The following ZNF143 variants were observed in gnomAD, a reference collection of about 807,000 sequenced individuals.
The protein encoded by ZNF143 is SPH-binding factor.
In ZNF143, 49 loss-of-function variants were observed where a neutral mutation model predicts 74.1. The observed-to-expected ratio is 0.66, with a 90% CI of 0.53 to 0.84. ZNF143 has a LOEUF of 0.84. Ranked by LOEUF, ZNF143 falls within the 40% of genes least tolerant of loss-of-function variation. The pLI is 0.00. For synonymous variants in ZNF143, 304 were observed against 282.8 expected (o/e 1.07, Z -0.75); for missense variants, 637 against 793.4 (o/e 0.80, Z 2.37).
chr11:9,467,382 C>T (rs757071309), intron 1 of ZNF143, among the ~76,000 whole-genome samples: 2 of 151,868 alleles, frequency 1.3e-5, no homozygotes, highest in Admixed American at 6.6e-5. Flanking sequence ...TATAGGCACC[C>T]GCCACCATAC....
chr11:9,487,467 C>G (rs773558438), intron 7 of ZNF143, among the ~76,000 whole-genome samples: 1 of 151,492 alleles, frequency 6.6e-6, no homozygotes, highest in Non-Finnish European at 1.5e-5. Flanking sequence ...TCATGCTTCT[C>G]CTGCCTCAGC....
At chr11:9,501,316 T>G in intron 11 of ZNF143, 46 bp downstream of exon 11, 2 of 1,592,316 alleles carry the variant, frequency 1.3e-6, no homozygotes, top group Non-Finnish European at 1.7e-6. Flanking sequence ...AAGGCTCAGT[T>G]TAACTCCTGC....
chr11:9,521,186 CTG>C (rs1260597790), intron 14 of ZNF143, among the ~76,000 whole-genome samples: 1 of 152,172 alleles, frequency 6.6e-6, no homozygotes, highest in Non-Finnish European at 1.5e-5. Context: ...TCAGGATTCA[CTG>C]TTAGTGTTGT....
chr11:9,466,974 A>G (rs1229862895), intron 1 of ZNF143, among the ~76,000 whole-genome samples: 1 of 147,206 alleles, frequency 6.8e-6, no homozygotes, highest in African/African-American at 2.5e-5. Flanking sequence ...GCTCACTGCA[A>G]GCTCTGCCTC....
At chr11:9,494,607 G>T in intron 7 of ZNF143, 39 bp from the exon 8 acceptor site, 2 of 1,594,282 alleles carry the variant, frequency 1.3e-6, no homozygotes, top group South Asian at 1.1e-5. Context: ...CACTGTGCCT[G>T]GCTTAAGTAA....
At chr11:9,461,469 C>T (rs919538475) in intron 1 of ZNF143, among the ~76,000 whole-genome samples, 11 of 152,248 alleles carry the variant, frequency 7.2e-5, no homozygotes, top group Non-Finnish European at 1.5e-4. Flanking sequence ...CAGGCGCCGC[C>T]GAGGCAGAGT....
chr11:9,488,888 A>C (rs1419548577), intron 7 of ZNF143, among the ~76,000 whole-genome samples: 1 of 152,144 alleles, frequency 6.6e-6, no homozygotes, highest in East Asian at 1.9e-4. Context: ...AGCAGGTTCC[A>C]AATAGAAAAA....
intron 11 of ZNF143, among the ~76,000 whole-genome samples, chr11:9,506,613 C>T (rs914431999): frequency 5.9e-5 from 9 of 152,114 alleles, no homozygotes; most frequent in Non-Finnish European, 8.8e-5. Context: ...TTAAAGCTCC[C>T]CAGGTCTTTT....
intron 2 of ZNF143, among the ~76,000 whole-genome samples, chr11:9,472,047 G>A (rs1856607840): frequency 6.7e-6 from 1 of 149,598 alleles, no homozygotes; most frequent in African/African-American, 2.5e-5. Flanking sequence ...TGTCACCTCA[G>A]CCTCCCAAGT....
At chr11:9,496,117 A>G (rs1247848743) in intron 8 of ZNF143, among the ~76,000 whole-genome samples, 186 bp from the exon 9 acceptor site, 1 of 152,142 alleles carries the variant, frequency 6.6e-6, no homozygotes, top group African/African-American at 2.4e-5. Context: ...ACTATCTCTT[A>G]ATATTTAACA....
intron 7 of ZNF143, among the ~76,000 whole-genome samples, chr11:9,492,105 A>ATTTTTTT (rs34432476): frequency 3.0e-5 from 3 of 100,240 alleles, no homozygotes; most frequent in African/African-American, 3.9e-5. Flanking sequence ...CACCTGGCTA[A>ATTTTTTT]TTTTTTTTTT....
At chr11:9,521,572 T>G (rs4910472) in intron 14 of ZNF143, among the ~76,000 whole-genome samples, 58,646 of 148,018 alleles carry the variant, frequency 0.4, 11,689 homozygotes, top group Middle Eastern at 0.47. Flanking sequence ...TTTTTTTTTG[T>G]TTTTTTTTTG....
chr11:9,486,406 AT>A (rs1170672932), intron 7 of ZNF143, among the ~76,000 whole-genome samples: 1 of 23,518 alleles, frequency 4.3e-5, no homozygotes, highest in African/African-American at 1.7e-4. Flanking sequence ...AATATATTAT[AT>A]ATATAATATA....
At chr11:9,471,657 A>C (rs1856578712) in intron 2 of ZNF143, among the ~76,000 whole-genome samples, 1 of 148,674 alleles carries the variant, frequency 6.7e-6, no homozygotes, top group Non-Finnish European at 1.5e-5. Flanking sequence ...AGTCCAAGTG[A>C]TTCTCCTGCC....
chr11:9,486,414 T>TATATTATATATATTATATATATA (rs1565039172), intron 7 of ZNF143, among the ~76,000 whole-genome samples: 10 of 24,038 alleles, frequency 4.2e-4, no homozygotes, highest in African/African-American at 1.5e-3. Flanking sequence ...ATATATATAA[T>TATATTATATATATTATATATATA]ATATATTATA....
chr11:9,499,002 A>G lies in ZNF143; in HGVS notation c.967+1202A>G, dbSNP rs1848064404. ...CAGAGGCGAGTATTTCCAAGCTCCC[A>G]TAAATTCTACTTGAATTTGGAAATA... On this transcript the variant is annotated intron_variant, in intron 10 of 15. Coordinates refer to ENST00000396602, the MANE Select transcript of ZNF143 (RefSeq NM_003442.6). Among the ~76,000 whole-genome samples the G allele has an allele frequency of 2.0e-5, 3 of 152,328 alleles. No individual in the cohort carries two copies. The South Asian group carries it at 6.2e-4, about 32-fold the overall frequency.
intron 14 of ZNF143, among the ~76,000 whole-genome samples, chr11:9,521,677 GTTTTGT>G (rs1400827031): frequency 6.6e-6 from 1 of 151,718 alleles, no homozygotes; most frequent in Non-Finnish European, 1.5e-5. Flanking sequence ...ATTTTGCTAA[GTTTTGT>G]TTTTGTAAGT....
At chr11:9,464,108 G>GTT (rs1329894076) in intron 1 of ZNF143, among the ~76,000 whole-genome samples, 1 of 151,540 alleles carries the variant, frequency 6.6e-6, no homozygotes, top group Non-Finnish European at 1.5e-5. Context: ...GTGTGTGTGT[G>GTT]TGTGTGTATT....
At chr11:9,504,910 T>C (rs1189537542) in intron 11 of ZNF143, among the ~76,000 whole-genome samples, 1 of 121,614 alleles carries the variant, frequency 8.2e-6, no homozygotes, top group African/African-American at 2.6e-5. Flanking sequence ...CTTGACCTTG[T>C]GATCCACCCG....
Sources: gnomAD v4.1 joint callset for allele counts (sites outside exome capture counted in the v4.1 genomes callset) on GRCh38, gnomAD v4.1.1 for gene constraint, MANE v1.5 for transcripts, NCBI Gene and HGNC (gene_info 2026-07-23, HGNC 2026-07-21) for gene names.